GLIS3: variants seen among roughly 807,000 people sequenced by gnomAD.
GLIS3 encodes zinc finger protein GLIS3.
A neutral mutation model predicts 78.6 loss-of-function variants in GLIS3; 53 were observed. The observed-to-expected ratio is 0.67, with a 90% CI of 0.54 to 0.85. GLIS3 has a LOEUF of 0.85. GLIS3 is among the 40% of genes least tolerant of loss of function. The pLI is 0.00. For missense variants in GLIS3, 1,703 were observed against 1,231.1 expected (o/e 1.38, Z -5.74); for synonymous variants, 684 against 509.9 (o/e 1.34, Z -4.60).
chr9:4,245,937 C>T (rs919861139), intron 2 of GLIS3, among the ~76,000 whole-genome samples: 1 of 152,030 alleles, frequency 6.6e-6, no homozygotes, highest in Admixed American at 6.6e-5. Flanking sequence ...TTTATTTTTT[C>T]AGACTGTCTT....
the GLIS3 span, among the ~76,000 whole-genome samples, chr9:4,467,806 A>G: frequency 6.6e-6 from 1 of 152,240 alleles, no homozygotes; most frequent in Non-Finnish European, 1.5e-5. Context: ...TTGAGAGAAG[A>G]AGGTTTCCGA....
At chr9:4,462,620 C>A in the GLIS3 span, among the ~76,000 whole-genome samples, 1,525 of 142,510 alleles carry the variant, frequency 0.011, 8 homozygotes, top group Non-Finnish European at 0.016. Flanking sequence ...CACACACACA[C>A]ACACACACAC....
At chr9:4,315,766 G>C (rs370950373) in intron 2 of GLIS3, among the ~76,000 whole-genome samples, 5 of 152,164 alleles carry the variant, frequency 3.3e-5, no homozygotes, top group African/African-American at 1.2e-4. Flanking sequence ...GTTCCTGGAA[G>C]GAGAAAGAGT....
chr9:4,449,843 C>T, the GLIS3 span, among the ~76,000 whole-genome samples: 1 of 152,308 alleles, frequency 6.6e-6, no homozygotes, highest in East Asian at 1.9e-4. Context: ...ATCTGTAGGT[C>T]ACCAGCATCA....
chr9:4,030,969 G>A (rs1823786685), intron 4 of GLIS3, among the ~76,000 whole-genome samples: 1 of 152,120 alleles, frequency 6.6e-6, no homozygotes. Context: ...ACAACCACCA[G>A]GATGGCTACC....
chr9:4,071,309 C>G (rs1225652074), intron 4 of GLIS3: 2 of 150,968 alleles, frequency 1.3e-5, no homozygotes, highest in African/African-American at 4.9e-5. Context: ...TAATCAAAAC[C>G]TTGCAGTCTC....
intron 4 of GLIS3, among the ~76,000 whole-genome samples, chr9:4,030,859 C>T (rs1365180401): frequency 2.0e-5 from 3 of 152,202 alleles, no homozygotes; most frequent in African/African-American, 7.2e-5. Flanking sequence ...TAGTCACTAA[C>T]ACTGTAGCAT....
intron 7 of GLIS3, among the ~76,000 whole-genome samples, chr9:3,895,573 G>GTATT (rs1403879987): frequency 1.3e-5 from 2 of 152,206 alleles, no homozygotes; most frequent in African/African-American, 2.4e-5. Flanking sequence ...AGAAATAAAA[G>GTATT]TATTTTCAGG....
At chr9:3,906,394 A>C (rs1823703918) in intron 6 of GLIS3, among the ~76,000 whole-genome samples, 1 of 152,220 alleles carries the variant, frequency 6.6e-6, no homozygotes, top group African/African-American at 2.4e-5. Flanking sequence ...TCGACCTTCA[A>C]AAGTGCTCTT....
chr9:4,249,941 A>G (rs1247796827), intron 2 of GLIS3, among the ~76,000 whole-genome samples: 1 of 152,220 alleles, frequency 6.6e-6, no homozygotes, highest in Non-Finnish European at 1.5e-5. Context: ...GCATATGTTG[A>G]ACCAGCCTTG....
chr9:4,419,232 T>A, the GLIS3 span, among the ~76,000 whole-genome samples: 5 of 152,218 alleles, frequency 3.3e-5, no homozygotes, highest in Admixed American at 1.3e-4. Context: ...CTCATCTGGG[T>A]TGAACAGCTG....
At chr9:4,032,084 T>C (rs766819239) in intron 4 of GLIS3, among the ~76,000 whole-genome samples, 4 of 152,122 alleles carry the variant, frequency 2.6e-5, no homozygotes, top group Admixed American at 6.5e-5. Context: ...TGAGCAGCCC[T>C]GCAGAGCAAG....
At chr9:3,971,058 GGAAGGAAGGATTAATT>G (rs774798959) in intron 4 of GLIS3, among the ~76,000 whole-genome samples, 18 of 113,110 alleles carry the variant, frequency 1.6e-4, no homozygotes, top group African/African-American at 4.5e-4. Flanking sequence ...ATCGAAGGAA[GGAAGGAAGGATTAATT>G]GAAGGAAGGA....
chr9:3,832,333 G>C, intron 9 of GLIS3, among the ~76,000 whole-genome samples: 1 of 151,848 alleles, frequency 6.6e-6, no homozygotes, highest in East Asian at 1.9e-4. Context: ...TTTCCAAAAA[G>C]AACAAGTAAG....
At chr9:4,270,879 A>C (rs1005176380) in intron 2 of GLIS3, among the ~76,000 whole-genome samples, 1 of 147,916 alleles carries the variant, frequency 6.8e-6, no homozygotes, top group Non-Finnish European at 1.5e-5. Context: ...TCTCTCTCTC[A>C]ATCTGTGTGG....
intron 2 of GLIS3, among the ~76,000 whole-genome samples, chr9:4,215,965 T>C (rs1820789440): frequency 1.3e-5 from 2 of 152,326 alleles, no homozygotes; most frequent in South Asian, 4.1e-4. Context: ...TTAATTCAAA[T>C]ATAACTCTCA....
chr9:4,136,166 A>G (rs769620716), intron 2 of GLIS3, among the ~76,000 whole-genome samples: 5 of 152,252 alleles, frequency 3.3e-5, no homozygotes, highest in Middle Eastern at 3.4e-3. Flanking sequence ...ATAACATCCT[A>G]CCTCCATGGC....
At chr9:4,177,323 T>C (rs1045960708) in intron 2 of GLIS3, among the ~76,000 whole-genome samples, 1 of 152,158 alleles carries the variant, frequency 6.6e-6, no homozygotes, top group African/African-American at 2.4e-5. Flanking sequence ...TGTACCAATA[T>C]AGCAAAACAG....
chr9:4,412,315 T>G, the GLIS3 span, among the ~76,000 whole-genome samples: 2 of 152,182 alleles, frequency 1.3e-5, no homozygotes, highest in Admixed American at 6.6e-5. Context: ...TTAACCAAAG[T>G]TTTTTAGTGG....
Sources: allele counts gnomAD v4.1 joint callset (sites outside exome capture counted in the v4.1 genomes callset), GRCh38; gene constraint gnomAD v4.1.1; transcripts MANE v1.5; gene names NCBI Gene and HGNC (gene_info 2026-07-23, HGNC 2026-07-21).